Variants in ATG13 observed in about 807,000 individuals in gnomAD.
ATG13 encodes the protein autophagy related 13, also known as autophagy-related protein 13.
In ATG13, 23 loss-of-function variants were observed where a neutral mutation model predicts 65.5. The ratio of observed to expected loss-of-function variants is 0.35; its 90% confidence interval spans 0.25 to 0.50. ATG13 has a LOEUF of 0.50. Among genes scored for constraint, ATG13 ranks in the 20% least tolerant of loss-of-function variants. ATG13 has a pLI of 0.98. For missense variants in ATG13, 566 were observed against 677.0 expected (o/e 0.84, Z 1.82); for synonymous variants, 252 against 245.2 (o/e 1.03, Z -0.26).
intron 1 of ATG13, among the ~76,000 whole-genome samples, chr11:46,619,442 T>C (rs2046600772): frequency 7.7e-6 from 1 of 130,394 alleles, no homozygotes; most frequent in Non-Finnish European, 1.6e-5. Context: ...TAGAGTGCGG[T>C]GGCGGGAACT....
At chr11:46,665,769 C>T (rs1310824659) in intron 14 of ATG13, among the ~76,000 whole-genome samples, 3 of 146,620 alleles carry the variant, frequency 2.0e-5, no homozygotes, top group South Asian at 2.2e-4. Flanking sequence ...TATAGTGAGA[C>T]TCTGTCTCTC....
chr11:46,660,382 GTT>G (rs779938965), intron 11 of ATG13, among the ~76,000 whole-genome samples: 276 of 67,350 alleles, frequency 4.1e-3, no homozygotes, highest in Middle Eastern at 0.014. Context: ...TACTGTTGTT[GTT>G]GGTTTTTTTT....
At chr11:46,620,797 A>G (rs1361349757) in intron 1 of ATG13, among the ~76,000 whole-genome samples, 1 of 152,048 alleles carries the variant, frequency 6.6e-6, no homozygotes, top group African/African-American at 2.4e-5. Flanking sequence ...AAACAACTCA[A>G]TTAACGTGCA....
chr11:46,653,871 G>T (rs1214464220), intron 7 of ATG13, among the ~76,000 whole-genome samples: 2 of 152,110 alleles, frequency 1.3e-5, no homozygotes, highest in African/African-American at 2.4e-5. Context: ...GCCTGGCGAA[G>T]CTTCTTCATA....
intron 18 of ATG13, among the ~76,000 whole-genome samples, chr11:46,670,278 C>G (rs1218658475): frequency 6.6e-6 from 1 of 150,898 alleles, no homozygotes; most frequent in African/African-American, 2.4e-5. Context: ...GTCAGGAGTT[C>G]GAGACCAGCC....
At chr11:46,657,745 A>T in intron 10 of ATG13, 123 bp downstream of exon 10, 2 of 808,912 alleles carry the variant, frequency 2.5e-6, no homozygotes, top group Admixed American at 6.0e-5. Flanking sequence ...ACTGATGGAG[A>T]CCCCACGTGG....
intron 8 of ATG13, 42 bp downstream of exon 8, chr11:46,656,315 C>G (rs772094954): frequency 6.4e-7 from 1 of 1,554,762 alleles, no homozygotes; most frequent in Non-Finnish European, 8.8e-7. Context: ...GTTCAGAGCT[C>G]TCCTAACTTC....
intron 2 of ATG13, among the ~76,000 whole-genome samples, chr11:46,635,748 T>C (rs183790187): frequency 1.3e-5 from 2 of 152,308 alleles, no homozygotes; most frequent in African/African-American, 4.8e-5. Flanking sequence ...ACTTTTTCCC[T>C]AGTGGAGACT....
Position 46,628,331 on chromosome 11 carries a change from G to A in ATG13, c.-69-1714G>A, listed in dbSNP as rs1333605282. ...GCAGGAGAATCACTTGAACCTGGCA[G>A]GTGGAGATTGCAGTGAGATCGTGCC... On this transcript the variant is annotated intron_variant, in intron 1 of 18. Transcript: ENST00000683050. Among the ~76,000 whole-genome samples the A allele has an allele frequency of 2.6e-5, 4 of 152,128 alleles. No individual in the cohort carries two copies. In the East Asian group the frequency reaches 7.7e-4, roughly 29 times the overall value.
chr11:46,651,521 A>G (rs2058891007), intron 7 of ATG13, among the ~76,000 whole-genome samples: 1 of 152,210 alleles, frequency 6.6e-6, no homozygotes, highest in Non-Finnish European at 1.5e-5. Context: ...AGAGCTTGGA[A>G]TGCTGGGGTC....
chr11:46,630,387 G>C (rs2051259030), intron 2 of ATG13, among the ~76,000 whole-genome samples: 1 of 152,082 alleles, frequency 6.6e-6, no homozygotes, highest in Admixed American at 6.6e-5. Flanking sequence ...TTCAGGGAAG[G>C]CTCCAGATTC....
chr11:46,631,690 A>G (rs1318601160), intron 2 of ATG13, among the ~76,000 whole-genome samples: 1 of 152,104 alleles, frequency 6.6e-6, no homozygotes, highest in Non-Finnish European at 1.5e-5. Flanking sequence ...AAACGGAGAC[A>G]CCCGACCCAC....
rs189942397 is a variant in ATG13 at position 46,657,227 on chromosome 11, C to T, written c.596+36C>T. 3,511 of 1,570,112 alleles carry T rather than the reference C, an allele frequency of 2.2e-3. 13 individuals carry two copies. The highest frequency in any genetic ancestry group is 2.6e-3 in the Non-Finnish European group (3,017 of 1,142,320). The stretch of plus-strand genomic sequence containing the variant: ...GCCCTGGAATCCAAAAGAACTCTTC[C>T]GAAAATGTTAAAGTTTTTTTTCTCC... On this transcript the variant is annotated intron_variant, in intron 9 of 18. Transcript: ENST00000683050.
At chr11:46,661,240 G>A (rs550308051) in intron 11 of ATG13, among the ~76,000 whole-genome samples, 9 of 152,146 alleles carry the variant, frequency 5.9e-5, no homozygotes, top group South Asian at 4.2e-4. Flanking sequence ...TAGTTCTGCC[G>A]GGCGCAGTGG....
At chr11:46,663,762 A>AG (rs2061661794) in intron 11 of ATG13, among the ~76,000 whole-genome samples, 1 of 152,084 alleles carries the variant, frequency 6.6e-6, no homozygotes, top group African/African-American at 2.4e-5. Context: ...ACTGCTTATC[A>AG]GGGACACAGG....
intron 1 of ATG13, among the ~76,000 whole-genome samples, chr11:46,618,629 A>C (rs1418212462): frequency 6.6e-6 from 1 of 152,196 alleles, no homozygotes; most frequent in Non-Finnish European, 1.5e-5. Flanking sequence ...GATGTATTAT[A>C]ATAAGAAACA....
At chr11:46,668,477 C>T (rs1325220809) in intron 15 of ATG13, 22 bp from the exon 16 acceptor site, 5 of 1,611,250 alleles carry the variant, frequency 3.1e-6, no homozygotes, top group Non-Finnish European at 4.2e-6. Flanking sequence ...GGCATGAATG[C>T]TTTTCTCCTG....
Position 46,664,724 on chromosome 11 carries a change from A to C in ATG13, c.889-125A>C, listed in dbSNP as rs534904002. ...ACCCCTATCACGTCAGGCCCCCTGCACTGTGGGCATGTGGGCGGGAGCCAT... is the reference window on the plus strand; with the variant it reads ...ACCCCTATCACGTCAGGCCCCCTGCCCTGTGGGCATGTGGGCGGGAGCCAT... On this transcript the variant is annotated intron_variant, in intron 12 of 18. Transcript: ENST00000683050. 6.0e-5 allele frequency: 48 copies of C among 798,158 alleles called. No homozygotes were observed. The African/African-American group carries it at 7.8e-4, about 13-fold the overall frequency. 49.4% of individuals were successfully genotyped at this position (798,158 alleles called of 1,614,324 possible). A position where few individuals can be genotyped will look rare whatever the true frequency, so the allele number is the denominator to read the frequency against.
Position 46,667,823 on chromosome 11 carries a change from A to G in ATG13, c.1187A>G (p.His396Arg), listed in dbSNP as rs1288383087. The G allele has an allele frequency of 2.9e-5, 47 of 1,612,490 alleles. No individual in the cohort carries two copies. The highest frequency in any genetic ancestry group is 3.9e-5 in the Non-Finnish European group (46 of 1,178,580). Residue 396 changes from histidine to arginine, a missense_variant, in exon 15 of 19, where the codon CAC (histidine) becomes CGC (arginine). His to Arg is a conservative substitution (Grantham distance 29, BLOSUM62 0). Around this residue, in one of 2 missense-constraint regions of ATG13, gnomAD observed 387 missense variants for 409.8 expected, o/e 0.94. Coordinates refer to ENST00000683050, the MANE Select transcript of ATG13 (RefSeq NM_001346311.2). ...AGCAGTGAGGGACGGGCCTCCCCTCACGATGTCTTGGAGACCATCTTTGTC... is the reference window on the plus strand; with the variant it reads ...AGCAGTGAGGGACGGGCCTCCCCTCGCGATGTCTTGGAGACCATCTTTGTC... ...SNSSEGRASP[H>R]DVLETIFVRK...
Sources: gnomAD v4.1 joint callset for allele counts (sites outside exome capture counted in the v4.1 genomes callset) on GRCh38, gnomAD v4.1.1 for gene constraint, gnomAD v4.1.1 regional missense constraint, MANE v1.5 for transcripts, NCBI Gene and HGNC (gene_info 2026-07-23, HGNC 2026-07-21) for gene names.